SCAMP2: variants seen among roughly 807,000 people sequenced by gnomAD.
The protein encoded by SCAMP2 is secretory carrier membrane protein 2.
A neutral mutation model predicts 44.1 loss-of-function variants in SCAMP2; 25 were observed. The observed-to-expected ratio is 0.57, with a 90% CI of 0.41 to 0.79. SCAMP2 has a LOEUF of 0.79. Among genes scored for constraint, SCAMP2 ranks in the 30% least tolerant of loss-of-function variants. The probability of loss-of-function intolerance (pLI) is 0.00; values close to 1 mark genes in which losing one functional copy is unlikely to be tolerated. For synonymous variants in SCAMP2, 156 were observed against 166.0 expected (o/e 0.94, Z 0.46); for missense variants, 355 against 411.0 (o/e 0.86, Z 1.18).
chr15:74,852,201 G>C lies in SCAMP2; in HGVS notation c.226-15C>G. On this transcript the variant is annotated splice_polypyrimidine_tract_variant and intron_variant, in intron 3 of 8. Transcript: ENST00000268099. ...GACACCACGGCCTGGAGAGAACAGG[G>C]GAGGTACAGGGACAGCCAGACACAA... 6.8e-7 allele frequency: 1 copy of C among 1,471,344 alleles called. No individual in the cohort carries two copies. Among genetic ancestry groups the C allele is most frequent in the Non-Finnish European group, 9.1e-7 (1 of 1,104,328 alleles). The allele number at this position is 1,471,344 out of a possible 1,614,324, so 91.1% of individuals were successfully genotyped here. A position where few individuals can be genotyped will look rare whatever the true frequency, so the allele number is the denominator to read the frequency against.
intron 7 of SCAMP2, among the ~76,000 whole-genome samples, chr15:74,846,470 A>G (rs1455403950): frequency 1.3e-5 from 2 of 151,598 alleles, no homozygotes; most frequent in Non-Finnish European, 2.9e-5. Flanking sequence ...AAAGAAAAGA[A>G]AAAAGAAAAA....
At chr15:74,852,634 G>T in intron 3 of SCAMP2, 1 of 153,458 alleles carries the variant, frequency 6.5e-6, no homozygotes, top group Non-Finnish European at 1.5e-5. Context: ...CCTGCTAACA[G>T]TGAGTGGAAA....
At chr15:74,853,389 G>T (rs958945714) in intron 3 of SCAMP2, 1 of 456,244 alleles carries the variant, frequency 2.2e-6, no homozygotes, top group African/African-American at 2.0e-5. Context: ...TTCGCATGTA[G>T]CTGTCTCTGA....
At position 74,863,508 on chromosome 15, in the gene SCAMP2, C is replaced by T. The variant is rs1303715115; in HGVS notation, c.58-8859G>A. ...CCTGGGTGACAGAGACAGACCCCATCTCCAAAAAAAAAAAAAACAGTAAGT... is the reference window on the plus strand; with the variant it reads ...CCTGGGTGACAGAGACAGACCCCATTTCCAAAAAAAAAAAAAACAGTAAGT... On this transcript the variant is annotated intron_variant, in intron 1 of 8. Coordinates refer to ENST00000268099, the MANE Select transcript of SCAMP2 (RefSeq NM_005697.5). Among the ~76,000 whole-genome samples, 12 of 150,120 alleles carry T rather than the reference C, an allele frequency of 8.0e-5. No individual in the cohort carries two copies. The East Asian group carries it at 1.2e-3, about 15-fold the overall frequency.
intron 1 of SCAMP2, among the ~76,000 whole-genome samples, chr15:74,868,878 G>A (rs2064558918): frequency 6.6e-6 from 1 of 152,196 alleles, no homozygotes; most frequent in Admixed American, 6.5e-5. Flanking sequence ...CAAACAGGCT[G>A]GGCACAGTGG....
In SCAMP2 at chr15:74,845,700, G is replaced by T. The variant is rs1392767669; in HGVS notation, c.735-107C>A. On this transcript the variant is annotated intron_variant, in intron 7 of 8. Transcript: ENST00000268099. ...CTGCTGTGTCCTGACCATCACCTTG[G>T]CATCTCCCCACAGCACAGGGAGCCC... 2.9e-6 allele frequency: 4 copies of T among 1,375,226 alleles called. No homozygotes were observed. The East Asian group carries it at 7.0e-5, about 24-fold the overall frequency. The allele number at this position is 1,375,226 out of a possible 1,614,324, so 85.2% of individuals were successfully genotyped here.
chr15:74,851,912 A>T (rs781203235), intron 4 of SCAMP2, 157 bp downstream of exon 4: 1 of 531,820 alleles, frequency 1.9e-6, no homozygotes, highest in Middle Eastern at 5.2e-4. Flanking sequence ...CTGACTTGCA[A>T]CTTACTGCTC....
At chr15:74,866,018 AGGAG>A (rs1239636816) in intron 1 of SCAMP2, among the ~76,000 whole-genome samples, 1 of 52,752 alleles carries the variant, frequency 1.9e-5, no homozygotes, top group Admixed American at 2.7e-4. Flanking sequence ...AAGGAAGGAA[AGGAG>A]GGAGGGAGGG....
At chr15:74,854,176 G>A in intron 2 of SCAMP2, 57 bp from the exon 3 acceptor site, 1 of 1,480,758 alleles carries the variant, frequency 6.8e-7, no homozygotes, top group South Asian at 1.1e-5. Flanking sequence ...CTGGTGACGA[G>A]GGGGCAAACC....
rs917391053 is a variant in SCAMP2, at chr15:74,858,806, CTTTTTTTTTTTTTT to C, written c.58-4171_58-4158del. ...CCTTCTTTCCTTCAAAGAGCTGGTT[CTTTTTTTTTTTTTT>C]TTTTTTTTTTGAGACGGAGTCTTGC... On this transcript the variant is annotated intron_variant, in intron 1 of 8. Coordinates refer to ENST00000268099, the MANE Select transcript of SCAMP2 (RefSeq NM_005697.5). Among the ~76,000 whole-genome samples, 3 of 91,256 alleles carry C rather than the reference CTTTTTTTTTTTTTT, an allele frequency of 3.3e-5. No homozygotes were observed. In the Admixed American group the frequency reaches 4.0e-4, roughly 12 times the overall value. 59.9% of individuals were successfully genotyped at this position (91,256 alleles called of 152,430 possible).
At chr15:74,871,035 T>TC (rs1340448617) in intron 1 of SCAMP2, among the ~76,000 whole-genome samples, 1 of 152,104 alleles carries the variant, frequency 6.6e-6, no homozygotes, top group Non-Finnish European at 1.5e-5. Flanking sequence ...CAAACAAGCT[T>TC]CCCTAGAACG....
In SCAMP2 at chr15:74,851,467, A is replaced by G; in HGVS notation, c.358T>C (p.Trp120Arg). The G allele has an allele frequency of 6.2e-7, 1 of 1,613,956 alleles. No homozygotes were observed. Among genetic ancestry groups the G allele is most frequent in the Non-Finnish European group, 8.5e-7 (1 of 1,179,848 alleles). The change falls in exon 5 of 9, where the codon TGG (tryptophan) becomes CGG (arginine). Residue 120 changes from tryptophan (W) to arginine (R), a missense_variant. Physicochemically the swap from Trp to Arg is moderately radical, Grantham distance 101 (BLOSUM62 -3). Coordinates refer to ENST00000268099, the MANE Select transcript of SCAMP2 (RefSeq NM_005697.5). ...GGGCACCACGAGGGCAGAGGGGGCC[A>G]GTTGTTCTGTCTCACTGGGTAGGGC... ...VANLHVRQNN[W>R]PPLPSWCPVK...
intron 1 of SCAMP2, among the ~76,000 whole-genome samples, chr15:74,855,362 G>GTA (rs1208139110): frequency 6.6e-6 from 1 of 151,978 alleles, no homozygotes; most frequent in Non-Finnish European, 1.5e-5. Context: ...TCGGCCTCCC[G>GTA]AAGTGCTGGG....
At position 74,854,106 on chromosome 15, in the gene SCAMP2, G is replaced by A. The variant is rs2064453033; in HGVS notation, c.140C>T (p.Thr47Ile). 6.2e-7 allele frequency: 1 copy of A among 1,614,004 alleles called. No homozygotes were observed. Among genetic ancestry groups the A allele is most frequent in the African/African-American group, 1.3e-5 (1 of 74,940 alleles). ...FNPFSETNAA[T>I]TVPVTQLPGS... ...AGGGAGTTGGGTGACAGGAACTGTT[G>A]TCGCTGCATTTGTCTACATGGAACA... Residue 47 changes from threonine to isoleucine, a missense_variant, in exon 3 of 9, where the codon ACA (threonine) becomes ATA (isoleucine). Physicochemically the swap from Thr to Ile is moderately conservative, Grantham distance 89. Coordinates refer to ENST00000268099, the MANE Select transcript of SCAMP2 (RefSeq NM_005697.5).
chr15:74,859,464 GAAGA>G (rs766799132), intron 1 of SCAMP2, among the ~76,000 whole-genome samples: 4 of 152,136 alleles, frequency 2.6e-5, no homozygotes, highest in Non-Finnish European at 4.4e-5. Flanking sequence ...GTTGTAGAAG[GAAGA>G]CAGACAGCAA....
rs1293382232 is a variant in SCAMP2, at chr15:74,872,108, C to T, written c.57+1091G>A. Among the ~76,000 whole-genome samples the T allele has an allele frequency of 3.3e-5, 5 of 151,088 alleles. No homozygotes were observed. The East Asian group carries it at 7.9e-4, about 24-fold the overall frequency. On this transcript the variant is annotated intron_variant, in intron 1 of 8. Coordinates refer to ENST00000268099, the MANE Select transcript of SCAMP2 (RefSeq NM_005697.5). ...AAGAAAGCAGGAAGATTGTTTCTTCCTTGATTGCTGTTCAAAAGGTCAGGC... is the reference window on the plus strand; with the variant it reads ...AAGAAAGCAGGAAGATTGTTTCTTCTTTGATTGCTGTTCAAAAGGTCAGGC...
In SCAMP2 at chr15:74,843,875, T is replaced by G. The variant is rs1197107092; in HGVS notation, c.*1208A>C. On this transcript the variant is annotated 3_prime_UTR_variant, in exon 9 of 9. Coordinates refer to ENST00000268099, the MANE Select transcript of SCAMP2 (RefSeq NM_005697.5). ...TCATTCAGTGGCTGGGGCCTGCGGC[T>G]GTCTCGGGCCCAGAGCCGGAGGCTA... 1 of 152,198 alleles carries G rather than the reference T, an allele frequency of 6.6e-6. No individual in the cohort carries two copies. Among genetic ancestry groups the G allele is most frequent in the Non-Finnish European group, 1.5e-5 (1 of 68,032 alleles). The allele number at this position is 152,198 out of a possible 1,614,324, so 9.4% of individuals were successfully genotyped here.
chr15:74,858,835 C>T (rs2064483918), intron 1 of SCAMP2, among the ~76,000 whole-genome samples: 4 of 114,028 alleles, frequency 3.5e-5, no homozygotes, highest in Admixed American at 3.3e-4. Context: ...TTTTTTGAGA[C>T]GGAGTCTTGC....
At chr15:74,851,243 TG>T in intron 5 of SCAMP2, 109 bp downstream of exon 5, 1 of 1,282,402 alleles carries the variant, frequency 7.8e-7, no homozygotes, top group Non-Finnish European at 1.1e-6. Context: ...TGAGGAAGGC[TG>T]GAGTCTGCTG....
Sources: allele counts gnomAD v4.1 joint callset (sites outside exome capture counted in the v4.1 genomes callset), GRCh38; gene constraint gnomAD v4.1.1; transcripts MANE v1.5; gene names NCBI Gene and HGNC (gene_info 2026-07-23, HGNC 2026-07-21).